The following OR7C1 variants were observed in gnomAD, a reference collection of about 807,000 sequenced individuals.
OR7C1 encodes the protein olfactory receptor family 7 subfamily C member 1, also known as olfactory receptor 7C1.
For synonymous variants in OR7C1, 152 were observed against 160.7 expected (o/e 0.95, Z 0.41); for missense variants, 324 against 383.3 (o/e 0.85, Z 1.29).
chr19:14,831,139 G>A (rs1485248672), intron 1 of OR7C1, among the ~76,000 whole-genome samples: 1 of 152,106 alleles, frequency 6.6e-6, no homozygotes, highest in Non-Finnish European at 1.5e-5. Flanking sequence ...CCTACATGAT[G>A]CCGGCCCCAG....
chr19:14,800,584 A>AAGC (rs1234485306), exon 3 of OR7C1: 1 of 153,634 alleles, frequency 6.5e-6, no homozygotes, highest in East Asian at 1.9e-4. Context: ...TTTTAATGAA[A>AAGC]AGCAGCCCCA....
chr19:14,821,437 G>A (rs1055486786), intron 1 of OR7C1: 5 of 152,080 alleles, frequency 3.3e-5, no homozygotes, highest in African/African-American at 1.2e-4. Flanking sequence ...CCAACAGTGT[G>A]GCTCTTCTCT....
At chr19:14,833,908 G>A (rs1158081619) in intron 1 of OR7C1, among the ~76,000 whole-genome samples, 1 of 152,174 alleles carries the variant, frequency 6.6e-6, no homozygotes, top group Non-Finnish European at 1.5e-5. Flanking sequence ...TAATTTTGGT[G>A]ACAGAAATAA....
chr19:14,800,318 C>G (rs892961363), exon 4 of OR7C1: 2 of 665,262 alleles, frequency 3.0e-6, no homozygotes, highest in Non-Finnish European at 2.5e-6. Flanking sequence ...TTGCTACCAT[C>G]GGGATCTGGA....
chr19:14,800,094 G>C, exon 5 of OR7C1: 1 of 1,598,506 alleles, frequency 6.3e-7, no homozygotes, highest in Non-Finnish European at 8.6e-7. Context: ...GAAAATCCCA[G>C]GAGGAGAAAT....
At chr19:14,807,628 TA>T (rs1345816505) in intron 2 of OR7C1, among the ~76,000 whole-genome samples, 1 of 151,872 alleles carries the variant, frequency 6.6e-6, no homozygotes, top group African/African-American at 2.4e-5. Flanking sequence ...CCCATTCTTT[TA>T]GGGAGGAGAC....
At chr19:14,810,337 T>C (rs973470806) in intron 1 of OR7C1, among the ~76,000 whole-genome samples, 1 of 151,534 alleles carries the variant, frequency 6.6e-6, no homozygotes. Flanking sequence ...CTTAGACATA[T>C]GGTTTTGTCC....
chr19:14,828,725 A>C (rs1422003268), intron 1 of OR7C1, among the ~76,000 whole-genome samples: 1 of 132,532 alleles, frequency 7.5e-6, no homozygotes, highest in East Asian at 2.5e-4. Flanking sequence ...ATGCCACTGC[A>C]CTCCAGCCTG....
intron 1 of OR7C1, among the ~76,000 whole-genome samples, chr19:14,834,048 C>A (rs1322345281): frequency 6.6e-6 from 1 of 152,052 alleles, no homozygotes; most frequent in Non-Finnish European, 1.5e-5. Flanking sequence ...TTGCTTGAGC[C>A]CAGGAGTTCG....
At chr19:14,817,017 G>T (rs1218017249) in intron 1 of OR7C1, among the ~76,000 whole-genome samples, 1 of 152,066 alleles carries the variant, frequency 6.6e-6, no homozygotes, top group Non-Finnish European at 1.5e-5. Context: ...CTAATGAGCA[G>T]ATACAGGGAG....
At chr19:14,824,735 A>C (rs1442712231) in intron 1 of OR7C1, 2 of 152,204 alleles carry the variant, frequency 1.3e-5, no homozygotes, top group African/African-American at 4.8e-5. Flanking sequence ...CTTTGGCTAT[A>C]TACTCAATAA....
chr19:14,801,759 A>G (rs2044642943), intron 2 of OR7C1, among the ~76,000 whole-genome samples: 1 of 152,250 alleles, frequency 6.6e-6, no homozygotes, highest in Non-Finnish European at 1.5e-5. Flanking sequence ...TGGAAGGGGA[A>G]GAGGAAGCAA....
chr19:14,808,009 A>T (rs1310036386), intron 2 of OR7C1, among the ~76,000 whole-genome samples: 1 of 151,792 alleles, frequency 6.6e-6, no homozygotes, highest in East Asian at 1.9e-4. Context: ...ATAATAAACC[A>T]TTCTGACTGG....
chr19:14,824,145 C>A (rs2044754172), intron 1 of OR7C1: 2 of 152,176 alleles, frequency 1.3e-5, no homozygotes, highest in African/African-American at 2.4e-5. Flanking sequence ...GGACAGGATC[C>A]TAAATTATTT....
chr19:14,824,456 T>C (rs1451763851), intron 1 of OR7C1: 2 of 152,224 alleles, frequency 1.3e-5, no homozygotes, highest in Non-Finnish European at 2.9e-5. Context: ...AGCTCGCACT[T>C]ATAAGCGAGA....
At position 14,799,892 on chromosome 19, in the gene OR7C1, A is replaced by T; in HGVS notation, c.245T>A (p.Leu82Ter). The change falls in exon 5 of 5, where the codon TTA (leucine) becomes TAA (stop). Residue 82 changes from leucine to a stop codon, truncating the protein, a stop_gained. Coordinates refer to ENST00000641666, the Ensembl canonical transcript of OR7C1. LOFTEE classifies it low-confidence loss of function (END_TRUNC). ...TTTGTTCTGTGTCAGTATATTCAGT[A>T]ACATCTTTGGGACAGTCGTGGAGGT... 4 of 1,614,162 alleles carry T rather than the reference A, an allele frequency of 2.5e-6. No individual in the cohort carries two copies. The highest frequency in any genetic ancestry group is 4.5e-5 in the East Asian group (2 of 44,888).
chr19:14,822,694 T>C (rs190641765), intron 1 of OR7C1, among the ~76,000 whole-genome samples: 2 of 152,138 alleles, frequency 1.3e-5, no homozygotes, highest in Non-Finnish European at 2.9e-5. Context: ...CTGCCTTTTT[T>C]ATAATAGCCG....
At chr19:14,820,504 A>C (rs1051542144) in intron 1 of OR7C1, among the ~76,000 whole-genome samples, 5 of 152,100 alleles carry the variant, frequency 3.3e-5, no homozygotes, top group African/African-American at 1.2e-4. Context: ...ACCATGGCAC[A>C]TGTATAGCTA....
exon 5 of OR7C1, chr19:14,799,781 G>C: frequency 1.2e-6 from 2 of 1,613,952 alleles, no homozygotes; most frequent in Non-Finnish European, 8.5e-7. Context: ...GCGGTCATAG[G>C]CCATCACGGT....
Sources: allele counts gnomAD v4.1 joint callset (sites outside exome capture counted in the v4.1 genomes callset), GRCh38; gene constraint gnomAD v4.1.1; transcripts MANE v1.5; gene names NCBI Gene and HGNC (gene_info 2026-07-23, HGNC 2026-07-21).